KCNMB2: variants seen among roughly 807,000 people sequenced by gnomAD.
The protein encoded by KCNMB2 is calcium-activated potassium channel subunit beta-2.
Under a neutral mutation model 24.5 loss-of-function variants are expected in KCNMB2, and 9 were observed. The observed-to-expected ratio is 0.37, with a 90% CI of 0.22 to 0.64. The LOEUF (loss-of-function observed/expected upper bound fraction) is 0.64, where lower values mean the gene tolerates loss of function less well. KCNMB2 is among the 30% of genes least tolerant of loss of function. KCNMB2 has a pLI of 0.63. For missense variants in KCNMB2, 226 were observed against 284.3 expected (o/e 0.79, Z 1.47); for synonymous variants, 109 against 104.4 (o/e 1.04, Z -0.27).
chr3:178,752,158 G>C (rs1480813613), intron 1 of KCNMB2, among the ~76,000 whole-genome samples: 1 of 152,148 alleles, frequency 6.6e-6, no homozygotes, highest in African/African-American at 2.4e-5. Context: ...AGTTCGAGGA[G>C]CTTCCAATCT....
intron 1 of KCNMB2, among the ~76,000 whole-genome samples, chr3:178,611,565 C>T (rs749808713): frequency 2.0e-5 from 3 of 151,952 alleles, no homozygotes; most frequent in Admixed American, 1.3e-4. Flanking sequence ...ATTAGCTGGA[C>T]GTGGTGGCAG....
At chr3:178,807,922 TATA>T (rs1714040339) in intron 2 of KCNMB2, among the ~76,000 whole-genome samples, 1 of 151,298 alleles carries the variant, frequency 6.6e-6, no homozygotes, top group African/African-American at 2.4e-5. Flanking sequence ...AAAAATATAA[TATA>T]ATTAATAAAA....
intron 1 of KCNMB2, among the ~76,000 whole-genome samples, chr3:178,688,181 C>A (rs1365733308): frequency 1.3e-5 from 2 of 152,114 alleles, no homozygotes; most frequent in Non-Finnish European, 2.9e-5. Context: ...TAATGAGATT[C>A]TGAGTGCTCA....
intron 4 of KCNMB2, among the ~76,000 whole-genome samples, chr3:178,837,571 T>C (rs1216985261): frequency 1.3e-5 from 2 of 152,230 alleles, no homozygotes; most frequent in African/African-American, 4.8e-5. Flanking sequence ...AGCTGGTTTA[T>C]ATGTATGTTG....
intron 1 of KCNMB2, among the ~76,000 whole-genome samples, chr3:178,790,692 T>A (rs1713287040): frequency 6.6e-6 from 1 of 152,142 alleles, no homozygotes; most frequent in Admixed American, 6.5e-5. Context: ...TCCAGTGCAG[T>A]CCCAGTGGTG....
intron 1 of KCNMB2, among the ~76,000 whole-genome samples, chr3:178,636,451 T>C (rs1428696578): frequency 6.6e-6 from 1 of 152,132 alleles, no homozygotes; most frequent in Non-Finnish European, 1.5e-5. Context: ...TCTCTTCAAC[T>C]TAGATGAATT....
chr3:178,817,533 A>G (rs1428503956), intron 2 of KCNMB2, among the ~76,000 whole-genome samples: 1 of 152,146 alleles, frequency 6.6e-6, no homozygotes, highest in Non-Finnish European at 1.5e-5. Flanking sequence ...CTCGTGGGGC[A>G]GAGATGTATA....
At chr3:178,670,575 G>A (rs1720867058) in intron 1 of KCNMB2, among the ~76,000 whole-genome samples, 1 of 152,072 alleles carries the variant, frequency 6.6e-6, no homozygotes, top group African/African-American at 2.4e-5. Context: ...ACTCCTAAGA[G>A]GGCTGCACAA....
At chr3:178,551,033 G>A (rs1297677703) in intron 1 of KCNMB2, among the ~76,000 whole-genome samples, 1 of 152,124 alleles carries the variant, frequency 6.6e-6, no homozygotes, top group Non-Finnish European at 1.5e-5. Flanking sequence ...TCCACAAAGA[G>A]GATAAGCACC....
intron 1 of KCNMB2, among the ~76,000 whole-genome samples, chr3:178,563,159 A>G (rs1334519926): frequency 6.6e-6 from 1 of 152,202 alleles, no homozygotes; most frequent in African/African-American, 2.4e-5. Context: ...GTTGCCTTCC[A>G]AGTATTTGAA....
chr3:178,549,525 CTA>C (rs1715879165), intron 1 of KCNMB2, among the ~76,000 whole-genome samples: 1 of 131,438 alleles, frequency 7.6e-6, no homozygotes, highest in Non-Finnish European at 1.5e-5. Flanking sequence ...TGAGGTTTCA[CTA>C]TGTTAGCCAG....
At chr3:178,799,414 A>G (rs570441133) in intron 1 of KCNMB2, among the ~76,000 whole-genome samples, 8 of 152,266 alleles carry the variant, frequency 5.3e-5, no homozygotes, top group Admixed American at 1.3e-4. Flanking sequence ...AAATTAAGAA[A>G]GTAATTCCAC....
At chr3:178,815,858 A>T (rs1378865373) in intron 2 of KCNMB2, among the ~76,000 whole-genome samples, 1 of 152,140 alleles carries the variant, frequency 6.6e-6, no homozygotes, top group African/African-American at 2.4e-5. Flanking sequence ...AACCCACATT[A>T]TAAGTTCCTG....
chr3:178,766,721 G>C (rs1014477685), intron 1 of KCNMB2, among the ~76,000 whole-genome samples: 7 of 152,106 alleles, frequency 4.6e-5, no homozygotes, highest in Non-Finnish European at 1.0e-4. Flanking sequence ...CACTTGATTT[G>C]ATATGTGGAC....
chr3:178,825,840 C>A, intron 3 of KCNMB2, 82 bp downstream of exon 3: 1 of 984,852 alleles, frequency 1.0e-6, no homozygotes, highest in Non-Finnish European at 1.5e-6. Flanking sequence ...CTAAGGTCAT[C>A]TTCCTCACCT....
intron 1 of KCNMB2, among the ~76,000 whole-genome samples, chr3:178,620,816 A>G (rs1432707482): frequency 1.3e-5 from 2 of 152,236 alleles, no homozygotes; most frequent in Non-Finnish European, 2.9e-5. Context: ...GATAAACAGG[A>G]CTTGCCAATG....
intron 1 of KCNMB2, among the ~76,000 whole-genome samples, chr3:178,775,778 C>T (rs1560016725): frequency 6.6e-6 from 1 of 152,142 alleles, no homozygotes. Context: ...CACAGGAAGT[C>T]ATCAAGGACA....
At chr3:178,722,378 G>T (rs553012025) in intron 1 of KCNMB2, among the ~76,000 whole-genome samples, 9 of 152,250 alleles carry the variant, frequency 5.9e-5, no homozygotes, top group Admixed American at 4.6e-4. Flanking sequence ...AGCTCTGGAG[G>T]CTGTGAAGTT....
At chr3:178,699,550 G>A (rs1215208049) in intron 1 of KCNMB2, among the ~76,000 whole-genome samples, 1 of 152,176 alleles carries the variant, frequency 6.6e-6, no homozygotes, top group Non-Finnish European at 1.5e-5. Context: ...AGAAGCTATG[G>A]TGTGGGCCCC....
Sources: gnomAD v4.1 joint callset for allele counts (sites outside exome capture counted in the v4.1 genomes callset) on GRCh38, gnomAD v4.1.1 for gene constraint, MANE v1.5 for transcripts, NCBI Gene and HGNC (gene_info 2026-07-23, HGNC 2026-07-21) for gene names.